The following MACROD2 variants were observed in gnomAD, a reference collection of about 807,000 sequenced individuals.
The protein encoded by MACROD2 is mono-ADP ribosylhydrolase 2, also known as ADP-ribose glycohydrolase MACROD2.
In MACROD2, 36 loss-of-function variants were observed where a neutral mutation model predicts 70.4. The observed-to-expected ratio is 0.51, with a 90% confidence interval of 0.39 to 0.68. The LOEUF (loss-of-function observed/expected upper bound fraction) is 0.68. Among genes scored for constraint, MACROD2 ranks in the 30% least tolerant of loss-of-function variants. The pLI is 0.00. For synonymous variants in MACROD2, 172 were observed against 178.8 expected, an observed-to-expected ratio of 0.96 and a Z score of 0.30; for missense variants, 496 against 538.4, an observed-to-expected ratio of 0.92 and a Z score of 0.78.
intron 15 of MACROD2, among the ~76,000 whole-genome samples, chr20:16,036,252 A>G (rs993683875): frequency 6.9e-6 from 1 of 145,730 alleles, no homozygotes; most frequent in Non-Finnish European, 1.5e-5. Context: ...CTGTCAATAC[A>G]CATCTCAAAA....
At chr20:15,458,609 CTGTTTTTT>C (rs1319254458) in intron 7 of MACROD2, among the ~76,000 whole-genome samples, 2 of 147,112 alleles carry the variant, frequency 1.4e-5, no homozygotes, top group Admixed American at 6.8e-5. Flanking sequence ...AGGCAATGAA[CTGTTTTTT>C]TGTTTTTTTG....
chr20:14,358,120 T>C (rs561535325), intron 3 of MACROD2, among the ~76,000 whole-genome samples: 1 of 152,210 alleles, frequency 6.6e-6, no homozygotes. Context: ...GAATGAAATA[T>C]GGAAGTCAAG....
chr20:15,296,534 G>C (rs2077590605), intron 6 of MACROD2, among the ~76,000 whole-genome samples: 1 of 151,710 alleles, frequency 6.6e-6, no homozygotes, highest in South Asian at 2.1e-4. Context: ...CAGAGAGAGG[G>C]AAGTGAGTAG....
intron 9 of MACROD2, among the ~76,000 whole-genome samples, chr20:15,883,490 T>TA (rs929717325): frequency 2.0e-5 from 3 of 152,042 alleles, no homozygotes; most frequent in Admixed American, 6.6e-5. Context: ...ATTTCCATGG[T>TA]AAAAAAATTA....
intron 8 of MACROD2, among the ~76,000 whole-genome samples, chr20:15,693,276 G>C (rs996174948): frequency 2.0e-5 from 3 of 152,062 alleles, no homozygotes; most frequent in Non-Finnish European, 4.4e-5. Flanking sequence ...CAAACACTAC[G>C]CATGAACTCA....
chr20:14,140,639 G>C (rs1290790241), intron 3 of MACROD2, among the ~76,000 whole-genome samples: 2 of 151,936 alleles, frequency 1.3e-5, no homozygotes, highest in Non-Finnish European at 2.9e-5. Flanking sequence ...TTTTGCTTGA[G>C]AGGGTGGTAG....
At chr20:15,564,116 G>A (rs1054503895) in intron 8 of MACROD2, among the ~76,000 whole-genome samples, 1 of 152,116 alleles carries the variant, frequency 6.6e-6, no homozygotes, top group African/African-American at 2.4e-5. Flanking sequence ...TCTTAGACCA[G>A]TTCAGTCCTT....
chr20:14,896,092 C>T (rs889925146), intron 5 of MACROD2, among the ~76,000 whole-genome samples: 2 of 152,048 alleles, frequency 1.3e-5, no homozygotes, highest in Non-Finnish European at 2.9e-5. Flanking sequence ...GCCAGGAGTT[C>T]GAGACCAGCC....
intron 3 of MACROD2, among the ~76,000 whole-genome samples, chr20:14,202,349 G>A (rs1392772953): frequency 1.3e-5 from 2 of 152,164 alleles, no homozygotes; most frequent in African/African-American, 4.8e-5. Context: ...CACCCAATTT[G>A]TACAGTGTCT....
Position 15,204,581 on chromosome 20 carries a change from C to T in MACROD2, c.419-25359C>T, listed in dbSNP as rs77593998. Among the ~76,000 whole-genome samples the T allele has an allele frequency of 6.9e-3, 1,055 of 152,050 alleles. 15 individuals are homozygous for T. Among genetic ancestry groups the T allele is most frequent in the African/African-American group, 0.024 (999 of 41,486 alleles). ...AAATTAAAAGTTTATTATGGAGTGC[C>T]CTTTTTCTGAAACTAATTTTAAAAT... On this transcript the variant is annotated intron_variant, in intron 5 of 17. Transcript: ENST00000684519.
At chr20:14,125,251 G>A (rs1212918394) in intron 3 of MACROD2, among the ~76,000 whole-genome samples, 2 of 152,094 alleles carry the variant, frequency 1.3e-5, no homozygotes, top group African/African-American at 4.8e-5. Context: ...CATTTTGAAT[G>A]TTCTACATAC....
intron 6 of MACROD2, among the ~76,000 whole-genome samples, chr20:15,424,222 G>T (rs186211132): frequency 3.1e-4 from 47 of 152,302 alleles, no homozygotes; most frequent in African/African-American, 1.1e-3. Flanking sequence ...ATGGTAAAGG[G>T]TATGTGTAGA....
At chr20:14,712,100 C>CA (rs1241031498) in intron 5 of MACROD2, among the ~76,000 whole-genome samples, 1 of 151,854 alleles carries the variant, frequency 6.6e-6, no homozygotes, top group Non-Finnish European at 1.5e-5. Context: ...GTCAATTTTG[C>CA]AAAAATTTTG....
chr20:15,395,237 C>T (rs2045845623), intron 6 of MACROD2, among the ~76,000 whole-genome samples: 1 of 152,176 alleles, frequency 6.6e-6, no homozygotes, highest in African/African-American at 2.4e-5. Context: ...AGGTTTCAAA[C>T]ATAAGCAGAA....
chr20:14,098,870 A>T (rs922786139), intron 3 of MACROD2, among the ~76,000 whole-genome samples: 2 of 152,318 alleles, frequency 1.3e-5, no homozygotes, highest in East Asian at 3.9e-4. Flanking sequence ...TTTGTATTAT[A>T]TATTTTTTCT....
At chr20:14,301,755 C>T (rs1021989931) in intron 3 of MACROD2, among the ~76,000 whole-genome samples, 22 of 151,986 alleles carry the variant, frequency 1.4e-4, no homozygotes, top group African/African-American at 4.8e-4. Flanking sequence ...ACTAAAATGT[C>T]TTGATGTTAT....
At chr20:15,196,981 A>T in intron 5 of MACROD2, 1 of 985,342 alleles carries the variant, frequency 1.0e-6, no homozygotes, top group Non-Finnish European at 1.2e-6. Context: ...CAAAGAGCAC[A>T]TTTTTTGGAA....
chr20:14,473,421 T>C (rs2084552967), intron 3 of MACROD2, among the ~76,000 whole-genome samples: 1 of 152,188 alleles, frequency 6.6e-6, no homozygotes, highest in Admixed American at 6.5e-5. Context: ...TTTCTATGTT[T>C]GGCTTATTTT....
At chr20:15,207,258 A>G (rs906895514) in intron 5 of MACROD2, among the ~76,000 whole-genome samples, 24 of 152,164 alleles carry the variant, frequency 1.6e-4, no homozygotes, top group Non-Finnish European at 2.9e-4. Flanking sequence ...TGCTCATGAC[A>G]AATTATTTTA....
Sources: allele counts gnomAD v4.1 joint callset (sites outside exome capture counted in the v4.1 genomes callset), GRCh38; gene constraint gnomAD v4.1.1; transcripts MANE v1.5; gene names NCBI Gene and HGNC (gene_info 2026-07-23, HGNC 2026-07-21).